Variants in DENND1A observed in about 807,000 individuals in gnomAD.
The protein encoded by DENND1A is DENN domain-containing protein 1A.
DENND1A carries 51 observed loss-of-function variants against 113.7 expected under a neutral mutation model. That is an observed-to-expected ratio of 0.45 (90% CI 0.36 to 0.57). DENND1A has a LOEUF of 0.57. Ranked by LOEUF, DENND1A falls within the 20% of genes least tolerant of loss-of-function variation. The pLI, the probability that DENND1A is intolerant of heterozygous loss-of-function variation, is 0.00. For synonymous variants in DENND1A, 565 were observed against 570.8 expected, an observed-to-expected ratio of 0.99 and a Z score of 0.14; for missense variants, 1,258 against 1,395.9, an observed-to-expected ratio of 0.90 and a Z score of 1.57.
chr9:123,565,481 TTTA>T (rs1399719735), intron 12 of DENND1A, among the ~76,000 whole-genome samples: 1 of 152,186 alleles, frequency 6.6e-6, no homozygotes, highest in Admixed American at 6.5e-5. Flanking sequence ...TGAAAGATTT[TTTA>T]TTATTATTAT....
chr9:123,593,026 T>A (rs777575023), intron 11 of DENND1A, among the ~76,000 whole-genome samples: 5 of 152,194 alleles, frequency 3.3e-5, no homozygotes, highest in Non-Finnish European at 5.9e-5. Context: ...AGTGACTCAA[T>A]TGAGATTCTA....
chr9:123,687,343 C>T (rs563496227), intron 5 of DENND1A, among the ~76,000 whole-genome samples: 3 of 152,168 alleles, frequency 2.0e-5, no homozygotes, highest in Non-Finnish European at 2.9e-5. Context: ...GGATTTATGA[C>T]TTATGACTTG....
chr9:123,560,558 C>T (rs1314517650), intron 12 of DENND1A, among the ~76,000 whole-genome samples: 1 of 151,982 alleles, frequency 6.6e-6, no homozygotes, highest in Non-Finnish European at 1.5e-5. Context: ...GCCATGGTGG[C>T]ACCTGCCTGT....
At chr9:123,711,520 T>TATATATATATATAA (rs1554970727) in intron 5 of DENND1A, among the ~76,000 whole-genome samples, 1 of 111,642 alleles carries the variant, frequency 9.0e-6, no homozygotes, top group African/African-American at 4.7e-5. Flanking sequence ...TATGTATATA[T>TATATATATATATAA]ATATATATAT....
chr9:123,851,583 G>T (rs1233836517), intron 2 of DENND1A, among the ~76,000 whole-genome samples: 3 of 152,176 alleles, frequency 2.0e-5, no homozygotes, highest in Non-Finnish European at 4.4e-5. Context: ...GAACCATTCA[G>T]TTAAACAACA....
At chr9:123,489,131 G>A (rs1480138191) in intron 13 of DENND1A, among the ~76,000 whole-genome samples, 1 of 152,072 alleles carries the variant, frequency 6.6e-6, no homozygotes, top group Non-Finnish European at 1.5e-5. Flanking sequence ...AGCTGCAGGC[G>A]AGAACCAAAA....
At chr9:123,883,830 T>C (rs888611044) in intron 1 of DENND1A, among the ~76,000 whole-genome samples, 1 of 150,342 alleles carries the variant, frequency 6.7e-6, no homozygotes, top group Non-Finnish European at 1.5e-5. Flanking sequence ...CTGGTAGAGT[T>C]CTATTCCATT....
intron 11 of DENND1A, among the ~76,000 whole-genome samples, chr9:123,600,797 C>T (rs949603715): frequency 3.3e-5 from 5 of 151,122 alleles, no homozygotes; most frequent in African/African-American, 9.8e-5. Flanking sequence ...CACCACTGCA[C>T]TCTAGCCTGG....
At chr9:123,440,271 G>C in intron 19 of DENND1A, 89 bp downstream of exon 19, 1 of 1,418,724 alleles carries the variant, frequency 7.0e-7, no homozygotes, top group Non-Finnish European at 9.3e-7. Flanking sequence ...GAACTGAAAT[G>C]AAAAACCGTC....
chr9:123,675,239 C>T (rs2064002541), intron 6 of DENND1A, among the ~76,000 whole-genome samples: 1 of 152,182 alleles, frequency 6.6e-6, no homozygotes, highest in African/African-American at 2.4e-5. Flanking sequence ...ACAATTTCCC[C>T]CTTTCCTCCA....
intron 1 of DENND1A, among the ~76,000 whole-genome samples, chr9:123,899,974 T>C (rs1851346451): frequency 1.3e-5 from 2 of 152,264 alleles, no homozygotes; most frequent in African/African-American, 4.8e-5. Flanking sequence ...CTTTGTATTC[T>C]AGTCACAAGT....
At chr9:123,805,363 TG>T (rs370701092) in intron 2 of DENND1A, among the ~76,000 whole-genome samples, 41 of 152,210 alleles carry the variant, frequency 2.7e-4, no homozygotes, top group African/African-American at 8.9e-4. Flanking sequence ...ATCTTGAGGA[TG>T]GGCCCCAAGT....
intron 5 of DENND1A, among the ~76,000 whole-genome samples, chr9:123,744,082 G>A (rs1181939518): frequency 6.6e-6 from 1 of 152,216 alleles, no homozygotes; most frequent in Non-Finnish European, 1.5e-5. Flanking sequence ...TAAAAAATAT[G>A]TAAATTATTG....
chr9:123,511,708 C>T (rs1216058198), intron 13 of DENND1A, among the ~76,000 whole-genome samples: 1 of 152,232 alleles, frequency 6.6e-6, no homozygotes, highest in Admixed American at 6.5e-5. Context: ...CCCCCACCCA[C>T]TTCCAGTTTG....
chr9:123,903,225 G>A (rs1217771833), intron 1 of DENND1A, among the ~76,000 whole-genome samples: 1 of 149,232 alleles, frequency 6.7e-6, no homozygotes, highest in African/African-American at 2.5e-5. Flanking sequence ...CCAGCTACTT[G>A]GGAGGCTGAG....
intron 21 of DENND1A, among the ~76,000 whole-genome samples, chr9:123,389,568 C>A (rs531599321): frequency 6.6e-6 from 1 of 152,320 alleles, no homozygotes; most frequent in East Asian, 1.9e-4. Flanking sequence ...GAAAGGCTAC[C>A]CTCCATACAG....
At chr9:123,586,985 G>A (rs988181826) in intron 11 of DENND1A, among the ~76,000 whole-genome samples, 10 of 151,878 alleles carry the variant, frequency 6.6e-5, no homozygotes, top group East Asian at 3.9e-4. Flanking sequence ...GCAATGCAAC[G>A]GGGCTCTCTC....
chr9:123,599,610 A>G (rs902078056), intron 11 of DENND1A, among the ~76,000 whole-genome samples: 5 of 152,176 alleles, frequency 3.3e-5, no homozygotes, highest in Non-Finnish European at 5.9e-5. Flanking sequence ...ACAGAAGCTC[A>G]GCGACTTGCC....
chr9:123,651,354 T>C (rs1303969991), intron 9 of DENND1A, among the ~76,000 whole-genome samples: 1 of 152,268 alleles, frequency 6.6e-6, no homozygotes, highest in African/African-American at 2.4e-5. Context: ...GCACATCTAC[T>C]TTCTTAGCAG....
Sources: allele counts gnomAD v4.1 joint callset (sites outside exome capture counted in the v4.1 genomes callset), GRCh38; gene constraint gnomAD v4.1.1; transcripts MANE v1.5; gene names NCBI Gene and HGNC (gene_info 2026-07-23, HGNC 2026-07-21).